Variants in PYROXD1 observed in about 807,000 individuals in gnomAD.
PYROXD1 encodes the protein tRNA ligase complex-associated NAD(P)H dehydrogenase PYROXD1.
Under a neutral mutation model 62.0 loss-of-function variants are expected in PYROXD1, and 42 were observed. The observed-to-expected ratio is 0.68, with a 90% CI of 0.53 to 0.88. The LOEUF is 0.88. Ranked by LOEUF, PYROXD1 falls within the 40% of genes least tolerant of loss-of-function variation. The probability of loss-of-function intolerance (pLI) is 0.00; values close to 1 mark genes in which losing one functional copy is unlikely to be tolerated. For missense variants in PYROXD1, 493 were observed against 604.8 expected, an observed-to-expected ratio of 0.82 and a Z score of 1.94; for synonymous variants, 170 against 206.4, an observed-to-expected ratio of 0.82 and a Z score of 1.51.
intron 5 of PYROXD1, 66 bp downstream of exon 5, chr12:21,452,220 A>G: frequency 1.3e-5 from 14 of 1,110,598 alleles, no homozygotes; most frequent in African/African-American, 1.7e-5. Flanking sequence ...TTTAAATTAA[A>G]CAATTGCTTT....
At chr12:21,437,887 AC>A (rs1241021941) in intron 1 of PYROXD1, 73 bp downstream of exon 1, 5 of 1,303,852 alleles carry the variant, frequency 3.8e-6, no homozygotes, top group Non-Finnish European at 4.2e-6. Context: ...CCTTCCTCCC[AC>A]CCCCTCCCTT....
Position 21,463,565 on chromosome 12 carries a change from G to A in PYROXD1, c.1116+703G>A, listed in dbSNP as rs554384207. 4.1e-4 allele frequency among the ~76,000 whole-genome samples: 63 copies of A among 152,022 alleles called. No homozygotes were observed. In the South Asian group the frequency reaches 5.2e-3, roughly 13 times the overall value. On this transcript the variant is annotated intron_variant, in intron 10 of 11. Transcript: ENST00000240651. ...AAATTAGCTGAGCATGATGGTGTGCGTCTGTAATCCCAGCTATTCAGGAGG... is the reference window on the plus strand; with the variant it reads ...AAATTAGCTGAGCATGATGGTGTGCATCTGTAATCCCAGCTATTCAGGAGG...
At chr12:21,449,506 T>C (rs1942452013) in intron 3 of PYROXD1, 57 bp from the exon 4 acceptor site, 1 of 1,539,976 alleles carries the variant, frequency 6.5e-7, no homozygotes, top group African/African-American at 1.4e-5. Flanking sequence ...TAAAGTGAAG[T>C]TGTATCCATG....
intron 3 of PYROXD1, among the ~76,000 whole-genome samples, chr12:21,448,490 A>G (rs1369810649): frequency 6.6e-6 from 1 of 152,240 alleles, no homozygotes; most frequent in Non-Finnish European, 1.5e-5. Context: ...GCCTATAATT[A>G]ACTTTTGTTC....
At position 21,440,388 on chromosome 12, in the gene PYROXD1, G is replaced by A. The variant is rs1252347998; in HGVS notation, c.105G>A (p.Ser35=). ...ATAAGTTGGCTACTCACTTTCCATC[G>A]GAAGATATTCTCTTGGTAACAGCTT... ...CAEQLATHFP[S]EDILLVTASP... The change falls in exon 2 of 12, where the codon TCG becomes TCA. Residue 35 remains serine (S), a synonymous_variant. Coordinates refer to ENST00000240651, the MANE Select transcript of PYROXD1 (RefSeq NM_024854.5). 20 of 1,590,732 alleles carry A rather than the reference G, an allele frequency of 1.3e-5. No individual in the cohort carries two copies. Among genetic ancestry groups the A allele is most frequent in the Middle Eastern group, 1.7e-4 (1 of 5,982 alleles).
In PYROXD1 at chr12:21,437,820, G is replaced by C. The variant is rs199682507; in HGVS notation, c.84+6G>C. On this transcript the variant is annotated splice_donor_region_variant and intron_variant, in intron 1 of 11. Coordinates refer to ENST00000240651, the MANE Select transcript of PYROXD1 (RefSeq NM_024854.5). ...GCGTCACTTGTGCGGAGCAGGTAGGGCGGTGCTCAGGCGGTTCCGCCTCTT... is the reference window on the plus strand; with the variant it reads ...GCGTCACTTGTGCGGAGCAGGTAGGCCGGTGCTCAGGCGGTTCCGCCTCTT... 1.2e-6 allele frequency: 2 copies of C among 1,610,992 alleles called. No homozygotes were observed. The highest frequency in any genetic ancestry group is 2.2e-5 in the South Asian group (2 of 90,288).
chr12:21,438,265 T>G (rs530445670), intron 1 of PYROXD1: 45 of 154,538 alleles, frequency 2.9e-4, no homozygotes, highest in Middle Eastern at 3.3e-3. Context: ...TGCGTCAGCC[T>G]GTAGCTGGGA....
In PYROXD1 at chr12:21,449,589, G is replaced by T. The variant is rs1439975152; in HGVS notation, c.312G>T (p.Gln104His). 6.2e-7 allele frequency: 1 copy of T among 1,612,904 alleles called. No homozygotes were observed. The highest frequency in any genetic ancestry group is 1.3e-5 in the African/African-American group (1 of 74,864). The change falls in exon 4 of 12, where the codon CAG becomes CAT. Residue 104 changes from glutamine to histidine, a missense_variant. Physicochemically the swap from Gln to His is conservative, Grantham distance 24 (BLOSUM62 0). Coordinates refer to ENST00000240651, the MANE Select transcript of PYROXD1 (RefSeq NM_024854.5). ...EHCIVTEDGN[Q>H]HVYKKLCLCA... The stretch of plus-strand genomic sequence containing the variant: ...GCATTGTAACAGAAGATGGCAATCA[G>T]CACGTATATAAGAAACTCTGTCTGT...
intron 10 of PYROXD1, 132 bp downstream of exon 10, chr12:21,462,994 TATA>T: frequency 1.1e-5 from 8 of 721,136 alleles, no homozygotes; most frequent in Non-Finnish European, 1.7e-5. Flanking sequence ...AGTTGTTATA[TATA>T]TTTAAAAAAA....
At chr12:21,445,916 G>A (rs923064380) in intron 3 of PYROXD1, among the ~76,000 whole-genome samples, 4 of 152,138 alleles carry the variant, frequency 2.6e-5, no homozygotes, top group South Asian at 2.1e-4. Flanking sequence ...AATGAGGGGG[G>A]TATTAACAGA....
At chr12:21,455,097 G>A (rs764224068) in intron 5 of PYROXD1, 35 bp from the exon 6 acceptor site, 2 of 1,272,738 alleles carry the variant, frequency 1.6e-6, no homozygotes, top group Non-Finnish European at 2.1e-6. Context: ...TTAGACTTTT[G>A]AAATCACTCT....
At chr12:21,454,520 A>G (rs1356469454) in intron 5 of PYROXD1, among the ~76,000 whole-genome samples, 1 of 152,022 alleles carries the variant, frequency 6.6e-6, no homozygotes, top group African/African-American at 2.4e-5. Flanking sequence ...AAAATATCAC[A>G]TGCCCATTAC....
At chr12:21,466,862 G>T (rs1218928865) in intron 10 of PYROXD1, among the ~76,000 whole-genome samples, 2 of 152,160 alleles carry the variant, frequency 1.3e-5, no homozygotes, top group Non-Finnish European at 2.9e-5. Flanking sequence ...TTTTTAGCAT[G>T]AAGGGTTGTT....
At chr12:21,468,041 GAGA>G (rs1441082885) in intron 11 of PYROXD1, among the ~76,000 whole-genome samples, 4 of 150,186 alleles carry the variant, frequency 2.7e-5, no homozygotes, top group East Asian at 2.0e-4. Flanking sequence ...CTAATTTACA[GAGA>G]AGGAGAAACA....
At chr12:21,464,785 T>C (rs1481398652) in intron 10 of PYROXD1, among the ~76,000 whole-genome samples, 1 of 152,034 alleles carries the variant, frequency 6.6e-6, no homozygotes, top group Non-Finnish European at 1.5e-5. Flanking sequence ...TGCAAGTTTG[T>C]TACATATGTA....
intron 3 of PYROXD1, among the ~76,000 whole-genome samples, chr12:21,446,173 C>T (rs912139236): frequency 3.3e-5 from 5 of 152,174 alleles, no homozygotes; most frequent in Non-Finnish European, 5.9e-5. Context: ...CCTGTAATCC[C>T]AGCACTTTGG....
At chr12:21,456,174 A>C in intron 7 of PYROXD1, 79 bp downstream of exon 7, 2 of 896,178 alleles carry the variant, frequency 2.2e-6, no homozygotes, top group Non-Finnish European at 3.5e-6. Context: ...CTGGTAATAA[A>C]TATATAGTCA....
At chr12:21,439,603 A>G (rs1477210307) in intron 1 of PYROXD1, among the ~76,000 whole-genome samples, 2 of 152,098 alleles carry the variant, frequency 1.3e-5, no homozygotes, top group Non-Finnish European at 2.9e-5. Flanking sequence ...TCCCATCTCC[A>G]TTAAAAAAAA....
At chr12:21,449,127 A>G (rs1322590619) in intron 3 of PYROXD1, among the ~76,000 whole-genome samples, 1 of 152,176 alleles carries the variant, frequency 6.6e-6, no homozygotes, top group African/African-American at 2.4e-5. Context: ...AGGTCTTCTT[A>G]CAGTAACTTC....
Sources: allele counts gnomAD v4.1 joint callset (sites outside exome capture counted in the v4.1 genomes callset), GRCh38; gene constraint gnomAD v4.1.1; transcripts MANE v1.5; gene names NCBI Gene and HGNC (gene_info 2026-07-23, HGNC 2026-07-21).